The following SDK2 variants were observed in gnomAD, a reference collection of about 807,000 sequenced individuals.
SDK2 encodes protein sidekick-2.
Under a neutral mutation model 253.9 loss-of-function variants are expected in SDK2, and 105 were observed. The observed-to-expected ratio is 0.41, with a 90% CI of 0.35 to 0.49. SDK2 has a LOEUF of 0.49. Ranked by LOEUF, SDK2 falls within the 20% of genes least tolerant of loss-of-function variation. SDK2 has a pLI of 0.06. For synonymous variants in SDK2, 1,249 were observed against 1,234.9 expected, an observed-to-expected ratio of 1.01 and a Z score of -0.24; for missense variants, 2,608 against 3,003.0, an observed-to-expected ratio of 0.87 and a Z score of 3.07.
chr17:73,412,158 ATATG>A (rs1437355825), intron 18 of SDK2, among the ~76,000 whole-genome samples: 1,391 of 93,920 alleles, frequency 0.015, 18 homozygotes, highest in Middle Eastern at 0.022. Context: ...ATATACGTAT[ATATG>A]TATATACACA....
chr17:73,408,446 G>A (rs896032953), intron 18 of SDK2, among the ~76,000 whole-genome samples: 5 of 151,680 alleles, frequency 3.3e-5, no homozygotes, highest in African/African-American at 9.7e-5. Flanking sequence ...GGATGGTCTC[G>A]ATCTCCTGAC....
chr17:73,438,788 G>C (rs35931417), intron 6 of SDK2, among the ~76,000 whole-genome samples: 37,667 of 151,770 alleles, frequency 0.25, 5,024 homozygotes, highest in East Asian at 0.41. Context: ...TTAGCACCTG[G>C]TGGGTCCCTG....
At chr17:73,470,423 T>C (rs947623283) in intron 3 of SDK2, among the ~76,000 whole-genome samples, 7 of 152,062 alleles carry the variant, frequency 4.6e-5, no homozygotes, top group African/African-American at 1.7e-4. Flanking sequence ...GCACACACCT[T>C]GGCACACACT....
At chr17:73,613,615 C>A (rs1230987197) in intron 1 of SDK2, among the ~76,000 whole-genome samples, 4 of 125,976 alleles carry the variant, frequency 3.2e-5, no homozygotes, top group Non-Finnish European at 6.4e-5. Context: ...CCAGCCCCCT[C>A]CCCCTACATA....
rs573545519 is a variant in SDK2, at chr17:73,584,489, G to A, written c.64+59536C>T. Among the ~76,000 whole-genome samples the A allele has an allele frequency of 1.0e-3, 153 of 152,324 alleles. 1 individual carries two copies. The highest frequency in any genetic ancestry group is 1.7e-3 in the Admixed American group (26 of 15,304). ...CCCAAAGAGGGAAACAGTCAGCTCCGAGGGCGGGACTGTGCCACCTCCGCC... is the reference window on the plus strand; with the variant it reads ...CCCAAAGAGGGAAACAGTCAGCTCCAAGGGCGGGACTGTGCCACCTCCGCC... On this transcript the variant is annotated intron_variant, in intron 1 of 44. Transcript: ENST00000392650.
At chr17:73,408,658 G>C (rs1340966860) in intron 18 of SDK2, among the ~76,000 whole-genome samples, 1 of 152,182 alleles carries the variant, frequency 6.6e-6, no homozygotes, top group African/African-American at 2.4e-5. Flanking sequence ...GCGAAATCCA[G>C]ACTGTGGAAA....
At chr17:73,357,075 C>T (rs1325237268) in intron 40 of SDK2, among the ~76,000 whole-genome samples, 1 of 152,220 alleles carries the variant, frequency 6.6e-6, no homozygotes, top group South Asian at 2.1e-4. Context: ...AGAGAGCCAG[C>T]CCCGCATGCA....
intron 1 of SDK2, among the ~76,000 whole-genome samples, chr17:73,578,053 T>C (rs1462070704): frequency 2.7e-5 from 4 of 148,320 alleles, no homozygotes; most frequent in African/African-American, 1.0e-4. Context: ...TTGAGCCCTA[T>C]GGACATCTTT....
chr17:73,534,100 C>T lies in SDK2; in HGVS notation c.65-26503G>A, dbSNP rs1293653757. Among the ~76,000 whole-genome samples, 1 of 152,176 alleles carries T rather than the reference C, an allele frequency of 6.6e-6. No homozygotes were observed. Among genetic ancestry groups the T allele is most frequent in the Non-Finnish European group, 1.5e-5 (1 of 68,034 alleles). ...TCCTCCCCTCCTCTTCCTCCTCCTC[C>T]TTCCCACTCTCCTTCCAATAAGCCC... On this transcript the variant is annotated intron_variant, in intron 1 of 44. Coordinates refer to ENST00000392650, the MANE Select transcript of SDK2 (RefSeq NM_001144952.2). The surrounding 1 kb of genome is among the most constrained non-coding windows in gnomAD (Gnocchi z 4.9).
At chr17:73,411,618 T>C (rs973923482) in intron 18 of SDK2, among the ~76,000 whole-genome samples, 6 of 152,042 alleles carry the variant, frequency 3.9e-5, no homozygotes, top group African/African-American at 1.2e-4. Context: ...TGCTGTGCTC[T>C]GTCTTTAGTC....
intron 1 of SDK2, among the ~76,000 whole-genome samples, chr17:73,592,952 C>T (rs1452554934): frequency 3.3e-5 from 5 of 150,366 alleles, no homozygotes; most frequent in African/African-American, 4.9e-5. Context: ...TGGGGGTGTC[C>T]GTAGCTCGCC....
At chr17:73,409,910 A>C (rs2063112329) in intron 18 of SDK2, among the ~76,000 whole-genome samples, 1 of 151,964 alleles carries the variant, frequency 6.6e-6, no homozygotes, top group South Asian at 2.1e-4. Flanking sequence ...GCTGGAGTGC[A>C]GTGACGTGAT....
intron 40 of SDK2, among the ~76,000 whole-genome samples, chr17:73,356,670 C>A (rs575265263): frequency 6.6e-6 from 1 of 152,310 alleles, no homozygotes; most frequent in African/African-American, 2.4e-5. Flanking sequence ...TAGGGACAGA[C>A]CACCATGCCC....
At chr17:73,391,109 T>C (rs1478171354) in intron 28 of SDK2, among the ~76,000 whole-genome samples, 2 of 152,232 alleles carry the variant, frequency 1.3e-5, no homozygotes, top group Non-Finnish European at 2.9e-5. Flanking sequence ...CCAGCTGTGC[T>C]GAGCCTGCCA....
At position 73,447,587 on chromosome 17, in the gene SDK2, G is replaced by A. The variant is rs770140772; in HGVS notation, c.613+28C>T. 1.3e-6 allele frequency: 2 copies of A among 1,551,440 alleles called. No homozygotes were observed. Among genetic ancestry groups the A allele is most frequent in the South Asian group, 2.4e-5 (2 of 84,030 alleles). ...GCTAAGATTTAATGGCCCGCTCCAA[G>A]ATCGGTCCCGGCCCTGTGCGTACTT... On this transcript the variant is annotated intron_variant, in intron 5 of 44. Transcript: ENST00000392650. The surrounding 1 kb of genome is among the most constrained non-coding windows in gnomAD (Gnocchi z 4.0).
At position 73,456,078 on chromosome 17, in the gene SDK2, G is replaced by T. The variant is rs1159021491; in HGVS notation, c.332-25C>A. On this transcript the variant is annotated intron_variant, in intron 3 of 44. Coordinates refer to ENST00000392650, the MANE Select transcript of SDK2 (RefSeq NM_001144952.2). ...TCTGCAGCCGGGACAACGGCAGTAGGATCAGGGGCGGGAGGTCAGCCTCAG... is the reference window on the plus strand; with the variant it reads ...TCTGCAGCCGGGACAACGGCAGTAGTATCAGGGGCGGGAGGTCAGCCTCAG... 4 of 1,459,364 alleles carry T rather than the reference G, an allele frequency of 2.7e-6. No homozygotes were observed. In the East Asian group the frequency reaches 1.1e-4, roughly 39 times the overall value. The allele number at this position is 1,459,364 out of a possible 1,614,324, so 90.4% of individuals were successfully genotyped here.
chr17:73,563,207 C>T (rs2045264110), intron 1 of SDK2, among the ~76,000 whole-genome samples: 1 of 152,230 alleles, frequency 6.6e-6, no homozygotes, highest in Non-Finnish European at 1.5e-5. Context: ...AATATCCTCC[C>T]CCAGAAGTAT....
At position 73,436,532 on chromosome 17, in the gene SDK2, G is replaced by A. The variant is rs193048671; in HGVS notation, c.1001-888C>T. Among the ~76,000 whole-genome samples the A allele has an allele frequency of 7.8e-3, 1,137 of 145,568 alleles. 19 individuals carry two copies. Among genetic ancestry groups the A allele is most frequent in the Middle Eastern group, 0.011 (3 of 270 alleles). ...GCAGAGGTTGCAGTGAGCCAAGATC[G>A]TGCCACTGCACTCCAGCCTGGGCAA... On this transcript the variant is annotated intron_variant, in intron 8 of 44. Transcript: ENST00000392650.
intron 1 of SDK2, chr17:73,519,612 G>A (rs2064059628): frequency 6.6e-6 from 1 of 152,180 alleles, no homozygotes; most frequent in African/African-American, 2.4e-5. Flanking sequence ...GGAGTGCTAT[G>A]AGGACTTCTC....
Sources: allele counts gnomAD v4.1 joint callset (sites outside exome capture counted in the v4.1 genomes callset), GRCh38; gene constraint gnomAD v4.1.1; non-coding constraint Gnocchi (gnomAD v3.1); transcripts MANE v1.5; gene names NCBI Gene and HGNC (gene_info 2026-07-23, HGNC 2026-07-21).